Variants in PTPRD observed in about 807,000 individuals in gnomAD.
PTPRD encodes protein tyrosine phosphatase receptor type D, also known as receptor-type tyrosine-protein phosphatase delta.
Under a neutral mutation model 214.5 loss-of-function variants are expected in PTPRD, and 34 were observed. The observed-to-expected ratio is 0.16, with a 90% CI of 0.12 to 0.21. The LOEUF (loss-of-function observed/expected upper bound fraction) is 0.21. Ranked by LOEUF, PTPRD falls within the 10% of genes least tolerant of loss-of-function variation. The pLI, the probability that PTPRD is intolerant of heterozygous loss-of-function variation, is 1.00. For synonymous variants in PTPRD, 1,128 were observed against 845.7 expected (o/e 1.33, Z -5.79); for missense variants, 2,545 against 2,398.7 (o/e 1.06, Z -1.27).
chr9:8,546,191 T>C (rs535146464), intron 14 of PTPRD, among the ~76,000 whole-genome samples: 3 of 152,274 alleles, frequency 2.0e-5, no homozygotes, highest in African/African-American at 7.2e-5. Context: ...AGTTATGCAA[T>C]TTCATCCACT....
At chr9:9,516,517 ATTTAT>A (rs557993933) in intron 8 of PTPRD, among the ~76,000 whole-genome samples, 47 of 149,882 alleles carry the variant, frequency 3.1e-4, no homozygotes, top group African/African-American at 7.1e-4. Flanking sequence ...ATACATATAT[ATTTAT>A]TTTATTTTAT....
Position 8,317,205 on chromosome 9 carries a change from A to AGAT in PTPRD, c.*666_*668dup, listed in dbSNP as rs1362206407. 1.3e-5 allele frequency: 3 copies of AGAT among 231,946 alleles called. No homozygotes were observed. Among genetic ancestry groups the AGAT allele is most frequent in the Non-Finnish European group, 2.6e-5 (3 of 117,080 alleles). 14.4% of individuals were successfully genotyped at this position (231,946 alleles called of 1,614,324 possible). On this transcript the variant is annotated 3_prime_UTR_variant, in exon 46 of 46. Transcript: ENST00000381196. ...TGATATTTCTACAGCAAGATATTAC[A>AGAT]GATAACAGTTCTACAGCTTAAAAAA...
At chr9:9,510,346 C>A (rs1206964424) in intron 8 of PTPRD, among the ~76,000 whole-genome samples, 1 of 150,922 alleles carries the variant, frequency 6.6e-6, no homozygotes, top group Non-Finnish European at 1.5e-5. Context: ...ATGTCTTATT[C>A]TTTTAGTTTT....
intron 4 of PTPRD, among the ~76,000 whole-genome samples, chr9:10,009,988 A>G (rs1174140928): frequency 6.6e-6 from 1 of 151,898 alleles, no homozygotes; most frequent in African/African-American, 2.4e-5. Flanking sequence ...CATGGCCTGA[A>G]TTAGCTTTTC....
chr9:8,403,540 T>C (rs992746845), intron 36 of PTPRD, among the ~76,000 whole-genome samples: 3 of 152,198 alleles, frequency 2.0e-5, no homozygotes, highest in African/African-American at 7.2e-5. Flanking sequence ...TGAAATACTG[T>C]GTGTTGAAGA....
chr9:8,573,333 A>G (rs766913184), intron 14 of PTPRD, among the ~76,000 whole-genome samples: 6 of 152,050 alleles, frequency 3.9e-5, no homozygotes, highest in Non-Finnish European at 7.4e-5. Flanking sequence ...TAATATATTT[A>G]TTCCTGAAAT....
At chr9:9,336,722 T>C (rs907434506) in intron 9 of PTPRD, among the ~76,000 whole-genome samples, 8 of 152,200 alleles carry the variant, frequency 5.3e-5, no homozygotes, top group African/African-American at 1.9e-4. Flanking sequence ...CTTTACCTTA[T>C]ATGTGCCTGT....
chr9:8,795,825 AGAG>A (rs1009942209), intron 11 of PTPRD, among the ~76,000 whole-genome samples: 2 of 152,208 alleles, frequency 1.3e-5, no homozygotes, highest in African/African-American at 4.8e-5. Context: ...TATAAGATCT[AGAG>A]GAGAAGATTA....
At chr9:10,087,660 C>A (rs559195416) in intron 3 of PTPRD, among the ~76,000 whole-genome samples, 1 of 151,638 alleles carries the variant, frequency 6.6e-6, no homozygotes, top group African/African-American at 2.4e-5. Flanking sequence ...GGAAATTAAG[C>A]ATTCATCTTG....
At position 9,898,308 on chromosome 9, in the gene PTPRD, G is replaced by C. The variant is rs78891698; in HGVS notation, c.-368+40199C>G. On this transcript the variant is annotated intron_variant, in intron 5 of 45. Transcript: ENST00000381196. ...GAGGTAGTGAATTCCTTATTCAATG[G>C]TATGCTAGCCTATTTAATGAAGGAG... is the stretch of plus-strand genomic sequence containing the variant. Among the ~76,000 whole-genome samples the C allele has an allele frequency of 3.8e-3, 570 of 151,990 alleles. 4 individuals are homozygous for C. The highest frequency in any genetic ancestry group is 0.013 in the African/African-American group (546 of 41,490).
intron 3 of PTPRD, among the ~76,000 whole-genome samples, chr9:10,126,770 A>C (rs753339023): frequency 2.0e-4 from 31 of 152,064 alleles, no homozygotes; most frequent in Non-Finnish European, 4.3e-4. Flanking sequence ...TTGCTTGAGA[A>C]CTGTTCCCTC....
At chr9:8,561,977 T>C (rs921273379) in intron 14 of PTPRD, among the ~76,000 whole-genome samples, 1 of 152,102 alleles carries the variant, frequency 6.6e-6, no homozygotes, top group African/African-American at 2.4e-5. Flanking sequence ...CTACTAGAGT[T>C]TAAAAAGATG....
chr9:10,264,496 T>C (rs190883888), intron 3 of PTPRD, among the ~76,000 whole-genome samples: 1 of 152,174 alleles, frequency 6.6e-6, no homozygotes, highest in South Asian at 2.1e-4. Context: ...CTGCTGGATT[T>C]TGGACTTGCA....
chr9:9,691,335 G>T (rs1242627879), intron 7 of PTPRD, among the ~76,000 whole-genome samples: 1 of 151,832 alleles, frequency 6.6e-6, no homozygotes, highest in Admixed American at 6.6e-5. Flanking sequence ...CTGTTTCCAT[G>T]AGTTCAATTG....
intron 14 of PTPRD, among the ~76,000 whole-genome samples, chr9:8,600,438 A>G (rs1374786153): frequency 6.6e-6 from 1 of 151,786 alleles, no homozygotes; most frequent in Non-Finnish European, 1.5e-5. Flanking sequence ...TGGGTAGTTA[A>G]GGGAGTGCTT....
chr9:9,379,754 GT>G (rs1217705009), intron 9 of PTPRD, among the ~76,000 whole-genome samples: 1 of 151,564 alleles, frequency 6.6e-6, no homozygotes, highest in African/African-American at 2.4e-5. Context: ...TTTATTTTTT[GT>G]TAGATTTCTA....
At chr9:8,801,035 G>T (rs1323626048) in intron 11 of PTPRD, among the ~76,000 whole-genome samples, 2 of 152,072 alleles carry the variant, frequency 1.3e-5, no homozygotes, top group Non-Finnish European at 2.9e-5. Flanking sequence ...CTGCAAAGTG[G>T]GTTTGTTTTT....
intron 2 of PTPRD, among the ~76,000 whole-genome samples, chr9:10,578,151 C>G (rs2070217685): frequency 6.6e-6 from 1 of 152,002 alleles, no homozygotes; most frequent in Non-Finnish European, 1.5e-5. Context: ...CTCAGGTGAT[C>G]CACCTGCCTC....
chr9:9,500,863 A>T (rs2096390288), intron 8 of PTPRD, among the ~76,000 whole-genome samples: 1 of 152,060 alleles, frequency 6.6e-6, no homozygotes, highest in Non-Finnish European at 1.5e-5. Context: ...AGCACAACGG[A>T]TGATTCTAAA....
Sources: gnomAD v4.1 joint callset for allele counts (sites outside exome capture counted in the v4.1 genomes callset) on GRCh38, gnomAD v4.1.1 for gene constraint, MANE v1.5 for transcripts, NCBI Gene and HGNC (gene_info 2026-07-23, HGNC 2026-07-21) for gene names.